Variants in NAV2 observed in about 807,000 individuals in gnomAD.
The protein encoded by NAV2 is helicase, APC down-regulated 1.
NAV2 carries 54 observed loss-of-function variants against 223.2 expected under a neutral mutation model. That is an observed-to-expected ratio of 0.24 (90% CI 0.19 to 0.30). The LOEUF (loss-of-function observed/expected upper bound fraction) is 0.30. Ranked by LOEUF, NAV2 falls within the 10% of genes least tolerant of loss-of-function variation. The pLI is 1.00. For synonymous variants in NAV2, 1,279 were observed against 1,239.3 expected (o/e 1.03, Z -0.67); for missense variants, 2,806 against 3,147.5 (o/e 0.89, Z 2.60).
At chr11:19,530,213 T>C (rs1289868084) in intron 1 of NAV2, among the ~76,000 whole-genome samples, 1 of 152,004 alleles carries the variant, frequency 6.6e-6, no homozygotes, top group African/African-American at 2.4e-5. Flanking sequence ...TGGGGTGGGG[T>C]GTGATTGTTT....
rs575271324 is a variant in NAV2, at chr11:19,498,326, G to A, written c.75+147299G>A. ...CCAGGAGGTTGGTCCCCAAAAGGGG[G>A]AGGGCACAGTCTTTAGAAAATTGGC... is the stretch of plus-strand genomic sequence containing the variant. On this transcript the variant is annotated intron_variant, in intron 1 of 37. Coordinates refer to the NAV2 transcript ENST00000360655. 3.9e-5 allele frequency among the ~76,000 whole-genome samples: 6 copies of A among 152,322 alleles called. No homozygotes were observed. In the South Asian group the frequency reaches 1.2e-3, roughly 32 times the overall value.
At chr11:19,836,907 C>T (rs2060268171) in intron 2 of NAV2, among the ~76,000 whole-genome samples, 2 of 152,166 alleles carry the variant, frequency 1.3e-5, no homozygotes, top group African/African-American at 2.4e-5. Flanking sequence ...TGGTGGAAGG[C>T]GTGATCCAGC....
At chr11:19,521,993 T>G (rs903693627) in intron 1 of NAV2, among the ~76,000 whole-genome samples, 1 of 152,222 alleles carries the variant, frequency 6.6e-6, no homozygotes, top group East Asian at 1.9e-4. Context: ...TGGATCCAGC[T>G]CAGTGGCCTA....
chr11:19,396,426 G>A (rs529695430), intron 1 of NAV2, among the ~76,000 whole-genome samples: 1 of 152,118 alleles, frequency 6.6e-6, no homozygotes, highest in African/African-American at 2.4e-5. Flanking sequence ...CAACCCATGA[G>A]GGTGTCTACA....
At chr11:20,014,365 C>T (rs574277268) in intron 11 of NAV2, among the ~76,000 whole-genome samples, 1 of 152,296 alleles carries the variant, frequency 6.6e-6, no homozygotes, top group South Asian at 2.1e-4. Context: ...CAAAAATAAA[C>T]ATTTGAACTC....
At chr11:19,717,500 A>G (rs2050397679) in intron 1 of NAV2, among the ~76,000 whole-genome samples, 1 of 152,254 alleles carries the variant, frequency 6.6e-6, no homozygotes, top group Non-Finnish European at 1.5e-5. Context: ...GGAAGTCAGA[A>G]TGAATGTGAT....
Position 19,373,346 on chromosome 11 carries a change from G to T in NAV2, c.75+22319G>T, listed in dbSNP as rs866723968. The stretch of plus-strand genomic sequence containing the variant: ...CTGGAAGTCTGAGAGGCACTCCAAG[G>T]TCTGGCCTCTGCCTGCCTCTCCCCT... On this transcript the variant is annotated intron_variant, in intron 1 of 37. Transcript: ENST00000360655. 2.6e-5 allele frequency among the ~76,000 whole-genome samples: 4 copies of T among 152,158 alleles called. No individual in the cohort carries two copies. The East Asian group carries it at 5.8e-4, about 22-fold the overall frequency.
At chr11:19,409,729 G>A (rs1782807684) in intron 1 of NAV2, among the ~76,000 whole-genome samples, 2 of 152,144 alleles carry the variant, frequency 1.3e-5, no homozygotes, top group South Asian at 4.1e-4. Flanking sequence ...TCTTGGAGGT[G>A]GACTTATGGC....
intron 1 of NAV2, among the ~76,000 whole-genome samples, chr11:19,513,107 G>A (rs2043331152): frequency 6.6e-6 from 1 of 152,174 alleles, no homozygotes; most frequent in East Asian, 1.9e-4. Flanking sequence ...TGTGACAAGT[G>A]TGATGACCGG....
intron 11 of NAV2, among the ~76,000 whole-genome samples, chr11:19,987,676 A>C (rs2050915110): frequency 6.6e-6 from 1 of 152,196 alleles, no homozygotes; most frequent in African/African-American, 2.4e-5. Context: ...AGACTGTGTC[A>C]GTTGGTGAGT....
intron 1 of NAV2, among the ~76,000 whole-genome samples, chr11:19,619,838 G>A (rs1384998744): frequency 1.3e-5 from 2 of 152,112 alleles, no homozygotes; most frequent in African/African-American, 2.4e-5. Context: ...CCTTGCCCAC[G>A]CCTATGTCCT....
chr11:19,587,463 G>A (rs778969328), intron 1 of NAV2, among the ~76,000 whole-genome samples: 19 of 152,286 alleles, frequency 1.2e-4, no homozygotes, highest in Admixed American at 2.6e-4. Flanking sequence ...CATCTTCTGC[G>A]TCGCTCATGC....
chr11:19,659,890 T>C (rs564889225), intron 1 of NAV2, among the ~76,000 whole-genome samples: 2 of 152,310 alleles, frequency 1.3e-5, no homozygotes, highest in East Asian at 3.9e-4. Context: ...GATGTTTCAA[T>C]GAGTTACTCT....
chr11:19,891,494 G>T (rs1193455570), intron 5 of NAV2, among the ~76,000 whole-genome samples: 2 of 152,164 alleles, frequency 1.3e-5, no homozygotes, highest in Non-Finnish European at 2.9e-5. Context: ...CACCCAAAAT[G>T]AGGTGTTTTA....
chr11:19,453,954 T>A (rs1314713932), intron 1 of NAV2, among the ~76,000 whole-genome samples: 1 of 152,170 alleles, frequency 6.6e-6, no homozygotes, highest in Non-Finnish European at 1.5e-5. Flanking sequence ...TAATTGCCCA[T>A]CCATTTTTGC....
At chr11:19,388,277 T>C (rs1183913821) in intron 1 of NAV2, among the ~76,000 whole-genome samples, 1 of 152,330 alleles carries the variant, frequency 6.6e-6, no homozygotes, top group African/African-American at 2.4e-5. Flanking sequence ...TGACTGTCCT[T>C]GCAAACCCAT....
intron 1 of NAV2, among the ~76,000 whole-genome samples, chr11:19,512,681 C>A (rs1302838828): frequency 6.6e-6 from 1 of 152,314 alleles, no homozygotes; most frequent in East Asian, 1.9e-4. Context: ...CTGTTTCACC[C>A]TTTGCCAGGA....
At chr11:20,092,037 A>G (rs535088049) in intron 27 of NAV2, among the ~76,000 whole-genome samples, 169 bp from the exon 28 acceptor site, 8 of 152,298 alleles carry the variant, frequency 5.3e-5, no homozygotes, top group Admixed American at 5.2e-4. Context: ...AGCATGTCTT[A>G]TGTCTACCGC....
chr11:19,937,941 A>C (rs1205862647), intron 7 of NAV2, among the ~76,000 whole-genome samples: 1 of 152,236 alleles, frequency 6.6e-6, no homozygotes, highest in African/African-American at 2.4e-5. Flanking sequence ...CAAGGAGTCA[A>C]GGAAAGCTCT....
Sources: gnomAD v4.1 joint callset for allele counts (sites outside exome capture counted in the v4.1 genomes callset) on GRCh38, gnomAD v4.1.1 for gene constraint, MANE v1.5 for transcripts, NCBI Gene and HGNC (gene_info 2026-07-23, HGNC 2026-07-21) for gene names.